Variants in SORCS1 observed in about 807,000 individuals in gnomAD.
SORCS1 encodes VPS10 domain-containing receptor SorCS1.
A neutral mutation model predicts 146.1 loss-of-function variants in SORCS1; 60 were observed. The observed-to-expected ratio is 0.41, with a 90% confidence interval of 0.33 to 0.51. The LOEUF is 0.51. Among genes scored for constraint, SORCS1 ranks in the 20% least tolerant of loss-of-function variants. The pLI is 0.21. For missense variants in SORCS1, 1,352 were observed against 1,487.6 expected (o/e 0.91, Z 1.50); for synonymous variants, 637 against 584.0 (o/e 1.09, Z -1.31).
chr10:106,595,697 G>A (rs1464070990), intron 24 of SORCS1, among the ~76,000 whole-genome samples: 1 of 152,196 alleles, frequency 6.6e-6, no homozygotes, highest in East Asian at 1.9e-4. Context: ...AAATCTCCAG[G>A]AAACCAGAGA....
chr10:106,985,310 C>A (rs765822558), intron 1 of SORCS1, among the ~76,000 whole-genome samples: 1 of 152,044 alleles, frequency 6.6e-6, no homozygotes, highest in Non-Finnish European at 1.5e-5. Context: ...ACATGAAATA[C>A]GTTATAAACC....
intron 1 of SORCS1, among the ~76,000 whole-genome samples, chr10:106,970,960 G>C (rs1425743899): frequency 6.9e-6 from 1 of 145,352 alleles, no homozygotes; most frequent in East Asian, 2.0e-4. Flanking sequence ...ATGTTGGCCA[G>C]GGTCATCTCA....
At chr10:106,865,372 A>C (rs941264562) in intron 2 of SORCS1, among the ~76,000 whole-genome samples, 1 of 152,192 alleles carries the variant, frequency 6.6e-6, no homozygotes, top group African/African-American at 2.4e-5. Context: ...TGGAAAACCC[A>C]AGTTGACTAG....
intron 9 of SORCS1, among the ~76,000 whole-genome samples, chr10:106,691,805 A>G (rs969805896): frequency 2.6e-5 from 4 of 152,142 alleles, no homozygotes; most frequent in Admixed American, 2.0e-4. Context: ...TACAGATGGT[A>G]TCTGTATCTT....
At chr10:106,837,286 T>C (rs1203581243) in intron 2 of SORCS1, among the ~76,000 whole-genome samples, 3 of 151,878 alleles carry the variant, frequency 2.0e-5, no homozygotes, top group Non-Finnish European at 4.4e-5. Context: ...CAAGAAAAAA[T>C]AGAAAAGAGG....
intron 11 of SORCS1, 113 bp from the exon 12 acceptor site, chr10:106,679,445 G>A: frequency 1.0e-6 from 1 of 999,130 alleles, no homozygotes; most frequent in South Asian, 1.5e-5. Context: ...TTCTGTCTGT[G>A]CAGGGGTTTT....
intron 2 of SORCS1, among the ~76,000 whole-genome samples, chr10:106,946,250 G>A (rs1360141576): frequency 6.6e-6 from 1 of 152,162 alleles, no homozygotes; most frequent in Non-Finnish European, 1.5e-5. Flanking sequence ...AATAAGACCA[G>A]TTCTATTTTG....
chr10:106,608,449 C>A (rs1295647287), intron 22 of SORCS1, among the ~76,000 whole-genome samples: 1 of 152,108 alleles, frequency 6.6e-6, no homozygotes, highest in Admixed American at 6.6e-5. Context: ...CACTGTGCTG[C>A]ATTTTTTTTT....
chr10:106,600,862 A>C (rs977309794), intron 23 of SORCS1: 35 of 237,092 alleles, frequency 1.5e-4, no homozygotes, highest in African/African-American at 7.7e-4. Flanking sequence ...AGACAGCAGA[A>C]GAGAGTTGGA....
chr10:106,779,383 T>C (rs780117391), intron 3 of SORCS1, among the ~76,000 whole-genome samples: 2 of 152,138 alleles, frequency 1.3e-5, no homozygotes, highest in Non-Finnish European at 2.9e-5. Flanking sequence ...CCATAAGACC[T>C]CTGGTAGAAT....
chr10:107,126,670 G>A (rs1202014094), intron 1 of SORCS1, among the ~76,000 whole-genome samples: 3 of 152,068 alleles, frequency 2.0e-5, no homozygotes, highest in Non-Finnish European at 4.4e-5. Context: ...GAAACACTAA[G>A]GAGAGGGGAC....
At chr10:107,011,085 T>C (rs963940585) in intron 1 of SORCS1, among the ~76,000 whole-genome samples, 6 of 152,078 alleles carry the variant, frequency 3.9e-5, no homozygotes, top group Non-Finnish European at 7.4e-5. Flanking sequence ...GGAAAGAAAA[T>C]AATAATAATT....
chr10:106,931,476 G>C (rs1368862671), intron 2 of SORCS1, among the ~76,000 whole-genome samples: 3 of 152,154 alleles, frequency 2.0e-5, no homozygotes, highest in Non-Finnish European at 4.4e-5. Flanking sequence ...TTGGTAATAA[G>C]GACAGGAAAC....
intron 1 of SORCS1, among the ~76,000 whole-genome samples, chr10:107,000,214 G>A: frequency 6.6e-6 from 1 of 152,216 alleles, no homozygotes; most frequent in African/African-American, 2.4e-5. Context: ...TGTGTGCAAT[G>A]CACACCCAGC....
At chr10:106,992,712 G>A (rs1020471343) in intron 1 of SORCS1, among the ~76,000 whole-genome samples, 8 of 151,726 alleles carry the variant, frequency 5.3e-5, no homozygotes, top group East Asian at 3.9e-4. Flanking sequence ...GCCCAGGTTG[G>A]TCTGGAACTC....
At chr10:106,829,907 C>T (rs533046524) in intron 2 of SORCS1, among the ~76,000 whole-genome samples, 22 of 152,208 alleles carry the variant, frequency 1.4e-4, no homozygotes, top group Admixed American at 3.9e-4. Flanking sequence ...CCTTAATGTA[C>T]GCACATTGCA....
intron 5 of SORCS1, among the ~76,000 whole-genome samples, chr10:106,734,438 A>G (rs1482926164): frequency 1.3e-5 from 2 of 152,180 alleles, no homozygotes; most frequent in Non-Finnish European, 2.9e-5. Flanking sequence ...GCACAGAAAA[A>G]ATTAGGCCAT....
At chr10:107,099,942 T>C (rs1307308914) in intron 1 of SORCS1, among the ~76,000 whole-genome samples, 4 of 152,224 alleles carry the variant, frequency 2.6e-5, no homozygotes, top group Non-Finnish European at 5.9e-5. Context: ...AGAATGTGAT[T>C]ATTTGCTATT....
At chr10:106,748,160 TG>T (rs1333997430) in intron 5 of SORCS1, among the ~76,000 whole-genome samples, 8 of 152,182 alleles carry the variant, frequency 5.3e-5, no homozygotes, top group Non-Finnish European at 1.2e-4. Flanking sequence ...TTTTTTGTTT[TG>T]TTTTGTTTGT....
Sources: gnomAD v4.1 joint callset for allele counts (sites outside exome capture counted in the v4.1 genomes callset) on GRCh38, gnomAD v4.1.1 for gene constraint, MANE v1.5 for transcripts, NCBI Gene and HGNC (gene_info 2026-07-23, HGNC 2026-07-21) for gene names.